TCF12: variants seen among roughly 807,000 people sequenced by gnomAD.
The protein encoded by TCF12 is transcription factor 12.
Under a neutral mutation model 86.0 loss-of-function variants are expected in TCF12, and 45 were observed. The ratio of observed to expected loss-of-function variants is 0.52; its 90% CI spans 0.41 to 0.67. The LOEUF is 0.67. Ranked by LOEUF, TCF12 falls within the 30% of genes least tolerant of loss-of-function variation. TCF12 has a pLI of 0.00. For missense variants in TCF12, 881 were observed against 859.9 expected, an observed-to-expected ratio of 1.02 and a Z score of -0.31; for synonymous variants, 330 against 299.6, an observed-to-expected ratio of 1.10 and a Z score of -1.05.
At position 57,103,850 on chromosome 15, in the gene TCF12, C is replaced by CA. The variant is rs1321153241; in HGVS notation, c.325+11967dup. Among the ~76,000 whole-genome samples, 6 of 151,546 alleles carry CA rather than the reference C, an allele frequency of 4.0e-5. No homozygotes were observed. The South Asian group carries it at 6.3e-4, about 16-fold the overall frequency. On this transcript the variant is annotated intron_variant, in intron 5 of 20. Coordinates refer to ENST00000333725, the MANE Select transcript of TCF12 (RefSeq NM_207037.2). ...TAAAACCTGGTCTCTACTAAAAATA[C>CA]AAAAAAAATTAGCTGGGCGTGGTGG... is the stretch of plus-strand genomic sequence containing the variant.
chr15:56,968,154 G>C (rs572668023), intron 3 of TCF12, among the ~76,000 whole-genome samples: 1 of 152,010 alleles, frequency 6.6e-6, no homozygotes, highest in Admixed American at 6.6e-5. Context: ...ATGGGATTTT[G>C]CCATGTTTGC....
chr15:57,148,533 T>C (rs1370801392), intron 5 of TCF12, among the ~76,000 whole-genome samples: 1 of 151,708 alleles, frequency 6.6e-6, no homozygotes, highest in Non-Finnish European at 1.5e-5. Context: ...CTTGGAAAGT[T>C]GGAATGTTCA....
In TCF12 at chr15:57,276,808, C is replaced by CT. The variant is rs35792121; in HGVS notation, c.1978+3560dup. On this transcript the variant is annotated intron_variant, in intron 19 of 20. Coordinates refer to ENST00000333725, the MANE Select transcript of TCF12 (RefSeq NM_207037.2). ...TTCTTTTTTTTTTCTTTTTTTTTTC[C>CT]TTTTTTTTTTTTTTGAGGCCGAGTC... Among the ~76,000 whole-genome samples, 952 of 107,532 alleles carry CT rather than the reference C, an allele frequency of 8.9e-3. 7 individuals are homozygous for CT. Among genetic ancestry groups the CT allele is most frequent in the Non-Finnish European group, 0.013 (681 of 52,202 alleles). The allele number at this position is 107,532 out of a possible 152,430, so 70.5% of individuals were successfully genotyped here.
intron 3 of TCF12, among the ~76,000 whole-genome samples, chr15:57,000,627 AAATT>A: frequency 6.6e-6 from 1 of 152,320 alleles, no homozygotes; most frequent in South Asian, 2.1e-4. Context: ...AACATGATAA[AAATT>A]AAAGCAGAAA....
chr15:57,225,572 G>A (rs2058837674), intron 8 of TCF12, among the ~76,000 whole-genome samples: 1 of 152,052 alleles, frequency 6.6e-6, no homozygotes, highest in Non-Finnish European at 1.5e-5. Flanking sequence ...ATCTGAGGAT[G>A]TATATAAGAT....
At chr15:57,124,366 G>T (rs1005238206) in intron 5 of TCF12, among the ~76,000 whole-genome samples, 18 of 152,252 alleles carry the variant, frequency 1.2e-4, no homozygotes, top group African/African-American at 3.8e-4. Flanking sequence ...GCTGAGACTG[G>T]CTAGGGAATT....
chr15:56,950,287 A>G (rs886674868), intron 3 of TCF12, among the ~76,000 whole-genome samples: 1 of 152,102 alleles, frequency 6.6e-6, no homozygotes, highest in Non-Finnish European at 1.5e-5. Context: ...GTGCAGTGGC[A>G]TGATATCGGT....
chr15:57,065,004 C>T (rs962240690), intron 4 of TCF12, among the ~76,000 whole-genome samples: 5 of 152,074 alleles, frequency 3.3e-5, no homozygotes, highest in Non-Finnish European at 4.4e-5. Context: ...ATGGTTTACA[C>T]AAGTTTGCAT....
intron 10 of TCF12, 62 bp downstream of exon 10, chr15:57,232,492 G>C: frequency 6.6e-7 from 1 of 1,525,606 alleles, no homozygotes; most frequent in Non-Finnish European, 8.8e-7. Context: ...TTTCTTTTTG[G>C]ATTAGAAGTG....
chr15:57,176,451 A>G (rs545443231), intron 6 of TCF12, among the ~76,000 whole-genome samples: 32 of 152,358 alleles, frequency 2.1e-4, no homozygotes, highest in Middle Eastern at 3.4e-3. Flanking sequence ...CCAGTTAGCT[A>G]GGTTAACAAT....
At chr15:57,205,402 CT>C (rs2057763182) in intron 8 of TCF12, among the ~76,000 whole-genome samples, 1 of 152,234 alleles carries the variant, frequency 6.6e-6, no homozygotes. Context: ...AAAGTACCAG[CT>C]TTTGCTGAAC....
intron 5 of TCF12, among the ~76,000 whole-genome samples, chr15:57,113,778 T>A (rs945798229): frequency 9.4e-5 from 9 of 95,808 alleles, no homozygotes; most frequent in Admixed American, 4.2e-4. Flanking sequence ...CGTCTCTACT[T>A]AAAAAAAAAA....
chr15:57,030,535 T>C (rs1238334098), intron 3 of TCF12, among the ~76,000 whole-genome samples: 6 of 152,200 alleles, frequency 3.9e-5, no homozygotes, highest in Non-Finnish European at 8.8e-5. Context: ...CCTGGCCTTT[T>C]TTATTTTTAA....
At chr15:57,171,034 A>G (rs922001750) in intron 6 of TCF12, among the ~76,000 whole-genome samples, 11 of 150,582 alleles carry the variant, frequency 7.3e-5, no homozygotes, top group African/African-American at 2.2e-4. Flanking sequence ...GTGTATGCCA[A>G]CTCCTCTGTG....
intron 3 of TCF12, among the ~76,000 whole-genome samples, chr15:56,983,766 C>G (rs1442455396): frequency 6.6e-6 from 1 of 151,632 alleles, no homozygotes; most frequent in Non-Finnish European, 1.5e-5. Flanking sequence ...TTTGGGAGGC[C>G]AAGGCAGGAG....
intron 5 of TCF12, among the ~76,000 whole-genome samples, chr15:57,122,266 A>C (rs1362393834): frequency 5.9e-5 from 9 of 151,698 alleles, no homozygotes; most frequent in Non-Finnish European, 1.0e-4. Context: ...AGTCCCCTTC[A>C]TCAGAGCTTA....
rs2059700871 is a variant in TCF12, at chr15:56,919,881, C to T, written c.-22-11C>T. 2 of 1,613,100 alleles carry T rather than the reference C, an allele frequency of 1.2e-6. No homozygotes were observed. Among genetic ancestry groups the T allele is most frequent in the South Asian group, 2.2e-5 (2 of 91,026 alleles). The stretch of plus-strand genomic sequence containing the variant: ...GGTGGTCTCTCGCTGAGCCCGTTTC[C>T]TCTGCCCTAGGACCTGCTAGAAGTG... On this transcript the variant is annotated splice_polypyrimidine_tract_variant and intron_variant, in intron 1 of 20. Transcript: ENST00000333725.
intron 16 of TCF12, among the ~76,000 whole-genome samples, chr15:57,258,801 A>G (rs1299919774): frequency 4.6e-5 from 7 of 152,174 alleles, no homozygotes; most frequent in Non-Finnish European, 8.8e-5. Flanking sequence ...ATTTTAAAGC[A>G]ATTAGAGAAA....
At chr15:56,928,010 T>C (rs1290391861) in intron 3 of TCF12, among the ~76,000 whole-genome samples, 2 of 152,164 alleles carry the variant, frequency 1.3e-5, no homozygotes, top group African/African-American at 2.4e-5. Context: ...TGGAGTCTAA[T>C]TGGAGTCTTG....
Sources: gnomAD v4.1 joint callset for allele counts (sites outside exome capture counted in the v4.1 genomes callset) on GRCh38, gnomAD v4.1.1 for gene constraint, MANE v1.5 for transcripts, NCBI Gene and HGNC (gene_info 2026-07-23, HGNC 2026-07-21) for gene names.